The following DOCK4 variants were observed in gnomAD, a reference collection of about 807,000 sequenced individuals.
DOCK4 encodes the protein dedicator of cytokinesis protein 4.
A neutral mutation model predicts 268.1 loss-of-function variants in DOCK4; 97 were observed. That is an observed-to-expected ratio of 0.36 (90% CI 0.31 to 0.43). DOCK4 has a LOEUF of 0.43. DOCK4 is among the 20% of genes least tolerant of loss of function. The pLI, the probability that DOCK4 is intolerant of heterozygous loss-of-function variation, is 1.00. For missense variants in DOCK4, 2,145 were observed against 2,455.7 expected (o/e 0.87, Z 2.67); for synonymous variants, 954 against 887.2 (o/e 1.08, Z -1.34).
chr7:112,089,728 TC>T (rs1479501485), intron 1 of DOCK4, among the ~76,000 whole-genome samples: 1 of 151,858 alleles, frequency 6.6e-6, no homozygotes, highest in Non-Finnish European at 1.5e-5. Flanking sequence ...ATGTAGCACC[TC>T]CCCCTTCTCG....
chr7:112,172,942 G>C lies in DOCK4; in HGVS notation c.37+33160C>G, dbSNP rs114370306. On this transcript the variant is annotated intron_variant, in intron 1 of 52. Transcript: ENST00000428084. ...CATGTAATGAAAGACCCCGTAACTA[G>C]AGCAGAACCCACAGGATACAGTCTC... Among the ~76,000 whole-genome samples the C allele has an allele frequency of 6.0e-3, 921 of 152,264 alleles. 10 individuals are homozygous for C. Among genetic ancestry groups the C allele is most frequent in the African/African-American group, 0.021 (871 of 41,546 alleles).
chr7:111,856,121 C>A (rs762969408), intron 23 of DOCK4, among the ~76,000 whole-genome samples: 13 of 152,168 alleles, frequency 8.5e-5, no homozygotes, highest in Non-Finnish European at 1.5e-4. Flanking sequence ...CACATGCTCC[C>A]CATCCCTCTG....
intron 4 of DOCK4, among the ~76,000 whole-genome samples, chr7:111,996,091 C>T (rs776964340): frequency 6.6e-6 from 1 of 152,116 alleles, no homozygotes; most frequent in Non-Finnish European, 1.5e-5. Context: ...CCAGGGAAAC[C>T]TGACATACTA....
chr7:111,947,995 T>C lies in DOCK4; in HGVS notation c.702-2197A>G, dbSNP rs1221537503. ...CTCCCGTCTTGGCCTCCCAAAGTGC[T>C]GGGATTACAGGCGTGGGCTACCAGG... On this transcript the variant is annotated intron_variant, in intron 8 of 52. Transcript: ENST00000428084. Among the ~76,000 whole-genome samples, 2 of 152,210 alleles carry C rather than the reference T, an allele frequency of 1.3e-5. 1 individual carries two copies. The highest frequency in any genetic ancestry group is 4.1e-4 in the South Asian group (2 of 4,828).
intron 30 of DOCK4, among the ~76,000 whole-genome samples, chr7:111,801,227 G>A (rs1800253978): frequency 6.6e-6 from 1 of 152,184 alleles, no homozygotes; most frequent in Non-Finnish European, 1.5e-5. Flanking sequence ...CTGTGTGAAT[G>A]ACACACCTGG....
At chr7:112,042,719 C>T (rs986912844) in intron 1 of DOCK4, among the ~76,000 whole-genome samples, 2 of 152,180 alleles carry the variant, frequency 1.3e-5, no homozygotes, top group Admixed American at 6.5e-5. Context: ...CTTAGCATGT[C>T]GGGCAGTGCT....
intron 1 of DOCK4, among the ~76,000 whole-genome samples, chr7:112,179,957 A>G (rs753664658): frequency 2.6e-5 from 4 of 152,164 alleles, no homozygotes; most frequent in Non-Finnish European, 4.4e-5. Context: ...TCTAGTTTTA[A>G]AACGGGGTGG....
At chr7:112,092,911 G>A (rs755281792) in intron 1 of DOCK4, among the ~76,000 whole-genome samples, 23 of 152,104 alleles carry the variant, frequency 1.5e-4, no homozygotes, top group African/African-American at 2.2e-4. Context: ...CTCAGTGGGC[G>A]TTTGGGAGAA....
intron 2 of DOCK4, among the ~76,000 whole-genome samples, chr7:112,002,484 G>A (rs1421755174): frequency 6.6e-6 from 1 of 152,064 alleles, no homozygotes; most frequent in African/African-American, 2.4e-5. Flanking sequence ...AAATATATCT[G>A]GCAATAACAC....
intron 8 of DOCK4, among the ~76,000 whole-genome samples, chr7:111,957,192 T>C (rs538292138): frequency 5.3e-5 from 8 of 152,274 alleles, no homozygotes; most frequent in Admixed American, 1.3e-4. Context: ...TTAGGAACCA[T>C]TGCTTTAGAC....
chr7:111,873,858 G>A (rs1465617731), intron 17 of DOCK4, among the ~76,000 whole-genome samples: 1 of 152,002 alleles, frequency 6.6e-6, no homozygotes, highest in South Asian at 2.1e-4. Flanking sequence ...GGAGGAATTA[G>A]AATGAGAAAA....
Position 111,926,870 on chromosome 7 carries a change from A to AAAGGAAGGAAGG in DOCK4, c.1066+8658_1066+8669dup, listed in dbSNP as rs143004189. On this transcript the variant is annotated intron_variant, in intron 12 of 52. Transcript: ENST00000428084. ...GAAAGAGAAAAAGAGAGAGAGAGAG[A>AAAGGAAGGAAGG]AAGGAAGGAAGGAAGGAAGGAAGGA... Among the ~76,000 whole-genome samples the AAAGGAAGGAAGG allele has an allele frequency of 3.5e-3, 520 of 150,000 alleles. 7 individuals are homozygous for AAAGGAAGGAAGG. Among genetic ancestry groups the AAAGGAAGGAAGG allele is most frequent in the African/African-American group, 0.012 (499 of 40,160 alleles).
chr7:111,867,438 A>G (rs1003257138), intron 22 of DOCK4, among the ~76,000 whole-genome samples: 2 of 152,170 alleles, frequency 1.3e-5, no homozygotes, highest in African/African-American at 4.8e-5. Flanking sequence ...TGGGAAGTAG[A>G]TGGATCCTGT....
chr7:112,045,184 C>A (rs1271210601), intron 1 of DOCK4, among the ~76,000 whole-genome samples: 1 of 152,166 alleles, frequency 6.6e-6, no homozygotes, highest in African/African-American at 2.4e-5. Context: ...TCACAGCAGG[C>A]ACACTCATCC....
chr7:112,167,670 T>C (rs1407665440), intron 1 of DOCK4, among the ~76,000 whole-genome samples: 2 of 152,218 alleles, frequency 1.3e-5, no homozygotes, highest in South Asian at 2.1e-4. Context: ...TTGGAGTTTA[T>C]GCTTTGGGGC....
At chr7:112,002,755 A>T (rs1308753612) in intron 2 of DOCK4, among the ~76,000 whole-genome samples, 1 of 152,208 alleles carries the variant, frequency 6.6e-6, no homozygotes, top group Non-Finnish European at 1.5e-5. Flanking sequence ...TTTGTTAACA[A>T]GAAAAGCTGG....
rs977645539 is a variant in DOCK4, at chr7:112,115,736, C to T, written c.37+90366G>A. ...TCACTTTTTTGCCCAGGCTGGAGTG[C>T]AGTGGTGCGATCATAGGTCACTGCA... is the stretch of plus-strand genomic sequence containing the variant. On this transcript the variant is annotated intron_variant, in intron 1 of 52. Transcript: ENST00000428084. 3.7e-4 allele frequency among the ~76,000 whole-genome samples: 56 copies of T among 152,180 alleles called. 2 individuals are homozygous for T. The highest frequency in any genetic ancestry group is 2.9e-5 in the Non-Finnish European group (2 of 68,030).
chr7:111,961,265 G>A (rs544794553), intron 8 of DOCK4, among the ~76,000 whole-genome samples: 56 of 152,094 alleles, frequency 3.7e-4, no homozygotes, highest in Middle Eastern at 3.4e-3. Flanking sequence ...TTCATCTTCC[G>A]CATTAATAAA....
At chr7:111,813,156 C>T (rs1005905435) in intron 27 of DOCK4, among the ~76,000 whole-genome samples, 2 of 152,094 alleles carry the variant, frequency 1.3e-5, no homozygotes, top group African/African-American at 4.8e-5. Context: ...TTTAAAATTT[C>T]TTTGACCTTT....
Sources: allele counts gnomAD v4.1 joint callset (sites outside exome capture counted in the v4.1 genomes callset), GRCh38; gene constraint gnomAD v4.1.1; transcripts MANE v1.5; gene names NCBI Gene and HGNC (gene_info 2026-07-23, HGNC 2026-07-21).